The following LINGO1 variants were observed in gnomAD, a reference collection of about 807,000 sequenced individuals.
The protein encoded by LINGO1 is leucine rich repeat and Ig domain containing 1.
LINGO1 carries 11 observed loss-of-function variants against 37.3 expected under a neutral mutation model. That is an observed-to-expected ratio of 0.29 (90% CI 0.19 to 0.49). LINGO1 has a LOEUF of 0.49. Among genes scored for constraint, LINGO1 ranks in the 20% least tolerant of loss-of-function variants. The probability of loss-of-function intolerance (pLI) is 0.99; values close to 1 mark genes in which losing one functional copy is unlikely to be tolerated. For synonymous variants in LINGO1, 387 were observed against 403.0 expected (o/e 0.96, Z 0.48); for missense variants, 585 against 878.2 (o/e 0.67, Z 4.22).
intron 1 of LINGO1, among the ~76,000 whole-genome samples, chr15:77,773,714 G>T (rs1042977478): frequency 6.6e-6 from 1 of 152,080 alleles, no homozygotes; most frequent in East Asian, 1.9e-4. Context: ...ACTTGCCTGG[G>T]GTCACACAGC....
At chr15:77,699,771 T>TCACCTGCATA (rs1567532365), upstream of LINGO1, among the ~76,000 whole-genome samples, 12 of 89,020 alleles carry the variant, frequency 1.3e-4, no homozygotes, top group Non-Finnish European at 2.3e-4. Flanking sequence ...ATACTAACCA[T>TCACCTGCATA]CATTCCCCCC....
intron 2 of LINGO1, among the ~76,000 whole-genome samples, chr15:77,733,302 A>G (rs2076171369): frequency 6.6e-6 from 1 of 152,226 alleles, no homozygotes; most frequent in Non-Finnish European, 1.5e-5. Context: ...GGGCATGTCC[A>G]GGAAGGACGG....
upstream of LINGO1, among the ~76,000 whole-genome samples, chr15:77,698,913 T>C (rs894933165): frequency 2.6e-5 from 4 of 152,170 alleles, no homozygotes; most frequent in African/African-American, 4.8e-5. Flanking sequence ...AGCAGGCCCC[T>C]GGACTGCCCT....
intron 3 of LINGO1, among the ~76,000 whole-genome samples, chr15:77,670,687 G>T (rs1284361785): frequency 2.0e-5 from 3 of 152,254 alleles, no homozygotes; most frequent in Non-Finnish European, 4.4e-5. Context: ...TTGCCCTAAG[G>T]TCACTTGACA....
At chr15:77,767,111 C>T (rs1222285128) in intron 1 of LINGO1, among the ~76,000 whole-genome samples, 2 of 152,150 alleles carry the variant, frequency 1.3e-5, no homozygotes, top group African/African-American at 4.8e-5. Flanking sequence ...GAGCAAAAAA[C>T]ATGGATTTCC....
At chr15:77,657,536 G>C (rs990709563) in intron 3 of LINGO1, among the ~76,000 whole-genome samples, 14 of 152,178 alleles carry the variant, frequency 9.2e-5, no homozygotes, top group Non-Finnish European at 1.9e-4. Context: ...TCAGAATCAA[G>C]GAACCCCAAA....
In LINGO1 at chr15:77,711,103, C is replaced by T. The variant is rs554977009; in HGVS notation, c.-194-20202G>A. On this transcript the variant is annotated intron_variant, in intron 2 of 3. Coordinates refer to the LINGO1 transcript ENST00000561686. Reference sequence around the variant, plus strand: ...CCTCCAGAATGTCCCCTCTCTGATCCATTTCATTAAACTCGCACCTCCCTT... The same window carrying T: ...CCTCCAGAATGTCCCCTCTCTGATCTATTTCATTAAACTCGCACCTCCCTT... Among the ~76,000 whole-genome samples the T allele has an allele frequency of 8.5e-5, 13 of 152,300 alleles. No individual in the cohort carries two copies. The South Asian group carries it at 2.5e-3, about 29-fold the overall frequency.
intron 1 of LINGO1, among the ~76,000 whole-genome samples, chr15:77,769,197 A>C (rs893719185): frequency 6.6e-6 from 1 of 152,216 alleles, no homozygotes; most frequent in African/African-American, 2.4e-5. Flanking sequence ...GGAAGCCCCC[A>C]TTGGCTGCCT....
intron 2 of LINGO1, among the ~76,000 whole-genome samples, chr15:77,794,351 CGTATATATGTGTATAT>C (rs1567588072): frequency 1.1e-4 from 12 of 109,428 alleles, no homozygotes; most frequent in Admixed American, 3.7e-4. Flanking sequence ...TACATATATA[CGTATATATGTGTATAT>C]ACATACGTAT....
At chr15:77,647,810 G>A (rs1409883611) in intron 3 of LINGO1, 2 of 453,424 alleles carry the variant, frequency 4.4e-6, no homozygotes, top group African/African-American at 4.0e-5. Flanking sequence ...CTCTCTCATT[G>A]TTCCCTTTAT....
At chr15:77,622,439 C>T (rs1320987710) in intron 1 of LINGO1, among the ~76,000 whole-genome samples, 1 of 152,156 alleles carries the variant, frequency 6.6e-6, no homozygotes, top group East Asian at 1.9e-4. Flanking sequence ...ACAGCCCCGT[C>T]CCGGCCACTC....
intron 3 of LINGO1, among the ~76,000 whole-genome samples, chr15:77,663,280 G>C (rs941993001): frequency 6.9e-6 from 1 of 144,090 alleles, no homozygotes; most frequent in African/African-American, 2.6e-5. Context: ...GTGTCTATCA[G>C]TGGTCGGGGG....
chr15:77,792,824 G>A (rs182010727), intron 2 of LINGO1, among the ~76,000 whole-genome samples: 4 of 152,350 alleles, frequency 2.6e-5, no homozygotes, highest in Middle Eastern at 3.4e-3. Flanking sequence ...TGTAGCAGGC[G>A]CTCAGTGAGT....
chr15:77,760,390 G>A (rs1044249798), intron 1 of LINGO1, among the ~76,000 whole-genome samples: 1 of 152,242 alleles, frequency 6.6e-6, no homozygotes, highest in African/African-American at 2.4e-5. Context: ...CAGGGGTTAC[G>A]AACTGAGCAG....
intron 1 of LINGO1, among the ~76,000 whole-genome samples, chr15:77,818,503 C>A (rs556522160): frequency 7.0e-4 from 106 of 152,360 alleles, no homozygotes; most frequent in African/African-American, 2.4e-3. Context: ...ACCAGGCCGG[C>A]AGACCTGGAG....
chr15:77,694,854 C>G (rs2075662717), intron 1 of LINGO1, among the ~76,000 whole-genome samples: 1 of 152,226 alleles, frequency 6.6e-6, no homozygotes, highest in South Asian at 2.1e-4. Flanking sequence ...GACCACCTTC[C>G]CCTTTCCTAC....
At chr15:77,642,082 G>C in intron 3 of LINGO1, 1 of 426,230 alleles carries the variant, frequency 2.3e-6, no homozygotes. Context: ...GTGGACAGTA[G>C]GCCCTCATAA....
chr15:77,690,694 A>G (rs1027166226), intron 2 of LINGO1: 2 of 152,150 alleles, frequency 1.3e-5, no homozygotes, highest in African/African-American at 4.8e-5. Context: ...GAGCCAGGGA[A>G]TGGGTAGAGG....
At chr15:77,727,461 A>G (rs372599910) in intron 2 of LINGO1, among the ~76,000 whole-genome samples, 7 of 152,252 alleles carry the variant, frequency 4.6e-5, no homozygotes, top group African/African-American at 1.7e-4. Context: ...AACACGGAGG[A>G]CATTATGCTA....
Sources: gnomAD v4.1 joint callset for allele counts (sites outside exome capture counted in the v4.1 genomes callset) on GRCh38, gnomAD v4.1.1 for gene constraint, MANE v1.5 for transcripts, NCBI Gene and HGNC (gene_info 2026-07-23, HGNC 2026-07-21) for gene names.